The following ROBO2 variants were observed in gnomAD, a reference collection of about 807,000 sequenced individuals.
ROBO2 encodes the protein roundabout guidance receptor 2.
In ROBO2, 53 loss-of-function variants were observed where a neutral mutation model predicts 160.8. That is an observed-to-expected ratio of 0.33 (90% CI 0.26 to 0.41). ROBO2 has a LOEUF of 0.41. ROBO2 is among the 10% of genes least tolerant of loss of function. The pLI is 1.00. For synonymous variants in ROBO2, 664 were observed against 611.7 expected, an observed-to-expected ratio of 1.09 and a Z score of -1.26; for missense variants, 1,577 against 1,722.4, an observed-to-expected ratio of 0.92 and a Z score of 1.49.
intron 2 of ROBO2, among the ~76,000 whole-genome samples, chr3:76,733,171 A>G (rs1366965182): frequency 6.6e-6 from 1 of 152,208 alleles, no homozygotes; most frequent in Admixed American, 6.5e-5. Context: ...TGTTTTGTGA[A>G]TGTTGATTCT....
chr3:77,060,824 A>G (rs968975247), intron 1 of ROBO2, among the ~76,000 whole-genome samples: 6 of 152,174 alleles, frequency 3.9e-5, no homozygotes, highest in Non-Finnish European at 7.3e-5. Flanking sequence ...ACTAACAGGC[A>G]CCAAGCAATT....
intron 16 of ROBO2, among the ~76,000 whole-genome samples, chr3:77,581,279 T>G (rs1436366153): frequency 6.6e-6 from 1 of 152,138 alleles, no homozygotes; most frequent in Admixed American, 6.6e-5. Flanking sequence ...TCCCTATTCA[T>G]TTTCTTAATA....
intron 2 of ROBO2, among the ~76,000 whole-genome samples, chr3:76,893,307 A>G (rs1002454940): frequency 1.5e-5 from 2 of 132,258 alleles, no homozygotes; most frequent in Non-Finnish European, 3.3e-5. Context: ...GAACTTTTCA[A>G]GTGAACACAC....
intron 9 of ROBO2, among the ~76,000 whole-genome samples, chr3:77,560,140 G>A (rs1182548954): frequency 6.6e-6 from 1 of 151,996 alleles, no homozygotes; most frequent in Non-Finnish European, 1.5e-5. Flanking sequence ...ATTAAAGGTG[G>A]GTGCTTGATG....
intron 2 of ROBO2, among the ~76,000 whole-genome samples, chr3:76,327,210 T>C (rs1576449706): frequency 6.6e-6 from 1 of 152,118 alleles, no homozygotes; most frequent in African/African-American, 2.4e-5. Context: ...TTCAATAGTT[T>C]AGAAAAGTAT....
exon 14 of ROBO2, chr3:77,574,594 C>T: frequency 6.2e-7 from 1 of 1,613,326 alleles, no homozygotes; most frequent in Non-Finnish European, 8.5e-7. Context: ...ATTTAGATGC[C>T]AAAGTCCCGA....
intron 2 of ROBO2, among the ~76,000 whole-genome samples, chr3:76,897,387 A>T (rs1014392314): frequency 6.6e-6 from 1 of 152,104 alleles, no homozygotes; most frequent in Non-Finnish European, 1.5e-5. Flanking sequence ...AGGCCTGGAA[A>T]TTCTATCCAT....
chr3:76,458,840 A>G (rs2077926231), intron 2 of ROBO2, among the ~76,000 whole-genome samples: 1 of 152,128 alleles, frequency 6.6e-6, no homozygotes, highest in Admixed American at 6.5e-5. Flanking sequence ...ATTCACTATC[A>G]TGAAAATAGC....
intron 2 of ROBO2, among the ~76,000 whole-genome samples, chr3:76,503,029 C>T (rs911308883): frequency 4.6e-5 from 7 of 151,060 alleles, no homozygotes; most frequent in African/African-American, 9.8e-5. Flanking sequence ...TGCGCGCGCA[C>T]GCATGTGTGT....
At chr3:76,486,131 G>A (rs1370645063) in intron 2 of ROBO2, among the ~76,000 whole-genome samples, 1 of 152,120 alleles carries the variant, frequency 6.6e-6, no homozygotes, top group Admixed American at 6.6e-5. Context: ...AGAATCAGGT[G>A]GCATAATACC....
chr3:77,039,984 C>A, exon 1 of ROBO2: 1 of 533,000 alleles, frequency 1.9e-6, no homozygotes, highest in Non-Finnish European at 2.4e-6. Flanking sequence ...GCGCCCGCAG[C>A]CGCCTGGTGC....
intron 2 of ROBO2, among the ~76,000 whole-genome samples, chr3:76,743,193 A>G (rs1038964390): frequency 2.6e-5 from 4 of 152,080 alleles, no homozygotes; most frequent in African/African-American, 9.7e-5. Context: ...TCTCTCAACC[A>G]TTCCCTTTGG....
intron 2 of ROBO2, among the ~76,000 whole-genome samples, chr3:76,764,378 C>A (rs2608164): frequency 2.0e-5 from 3 of 151,120 alleles, no homozygotes; most frequent in Non-Finnish European, 4.4e-5. Flanking sequence ...GTATGCAGTT[C>A]TGACTACTTT....
chr3:76,276,902 A>G (rs1707957513), intron 2 of ROBO2, among the ~76,000 whole-genome samples: 1 of 152,068 alleles, frequency 6.6e-6, no homozygotes, highest in Non-Finnish European at 1.5e-5. Flanking sequence ...TTGCATATAC[A>G]TAATGATATA....
intron 1 of ROBO2, among the ~76,000 whole-genome samples, chr3:77,065,377 A>T (rs115683143): frequency 0.011 from 1,700 of 152,340 alleles, 24 homozygotes; most frequent in African/African-American, 0.037. Flanking sequence ...AATGACCACC[A>T]AAAACTTTCT....
chr3:77,049,929 A>C (rs2065050805), intron 1 of ROBO2, among the ~76,000 whole-genome samples: 1 of 152,208 alleles, frequency 6.6e-6, no homozygotes, highest in Non-Finnish European at 1.5e-5. Context: ...AAAAGGGAGA[A>C]TTTTGACTTT....
intron 2 of ROBO2, among the ~76,000 whole-genome samples, chr3:76,388,762 C>T (rs1056643060): frequency 1.3e-5 from 2 of 151,840 alleles, no homozygotes; most frequent in South Asian, 2.1e-4. Context: ...TGTTTTTATG[C>T]GTCTTTCCAT....
intron 2 of ROBO2, among the ~76,000 whole-genome samples, chr3:76,254,393 C>T (rs534333045): frequency 3.3e-5 from 5 of 152,202 alleles, no homozygotes; most frequent in African/African-American, 9.6e-5. Context: ...TCAACACACT[C>T]CACTAATAAC....
At position 77,532,057 on chromosome 3, in the gene ROBO2, A is replaced by C. The variant is rs145242369; in HGVS notation, c.934+9155A>C. Among the ~76,000 whole-genome samples, 228 of 152,260 alleles carry C rather than the reference A, an allele frequency of 1.5e-3. 2 individuals carry two copies. The highest frequency in any genetic ancestry group is 5.1e-3 in the African/African-American group (210 of 41,546). On this transcript the variant is annotated intron_variant, in intron 6 of 25. Transcript: ENST00000461745. ...TTCCAACTGAGTTTCCATAATGTGA[A>C]ACGTTTAAAATATCTTAAGCTAATG... is the stretch of plus-strand genomic sequence containing the variant.
Sources: allele counts gnomAD v4.1 joint callset (sites outside exome capture counted in the v4.1 genomes callset), GRCh38; gene constraint gnomAD v4.1.1; transcripts MANE v1.5; gene names NCBI Gene and HGNC (gene_info 2026-07-23, HGNC 2026-07-21).